Variants in SOX6 observed in about 807,000 individuals in gnomAD.
SOX6 encodes the protein transcription factor SOX-6.
A neutral mutation model predicts 97.8 loss-of-function variants in SOX6; 11 were observed. That is an observed-to-expected ratio of 0.11 (90% CI 0.07 to 0.19). SOX6 has a LOEUF of 0.19. Ranked by LOEUF, SOX6 falls within the 10% of genes least tolerant of loss-of-function variation. The probability of loss-of-function intolerance (pLI) is 1.00; values close to 1 mark genes in which losing one functional copy is unlikely to be tolerated. For missense variants in SOX6, 810 were observed against 1,039.5 expected, an observed-to-expected ratio of 0.78 and a Z score of 3.04; for synonymous variants, 360 against 371.4, an observed-to-expected ratio of 0.97 and a Z score of 0.35.
chr11:16,713,454 T>C (rs913479633), intron 3 of SOX6, among the ~76,000 whole-genome samples: 8 of 152,274 alleles, frequency 5.3e-5, no homozygotes, highest in African/African-American at 1.9e-4. Context: ...TATGCCTGCT[T>C]AGAGAAATCA....
At chr11:16,715,963 G>C (rs1848216970) in intron 2 of SOX6, among the ~76,000 whole-genome samples, 1 of 152,172 alleles carries the variant, frequency 6.6e-6, no homozygotes, top group Admixed American at 6.5e-5. Context: ...GCCAGACACG[G>C]TGATTCATGC....
upstream of SOX6, among the ~76,000 whole-genome samples, chr11:16,357,536 T>C (rs1216314163): frequency 6.6e-6 from 1 of 152,140 alleles, no homozygotes; most frequent in Non-Finnish European, 1.5e-5. Flanking sequence ...ACAGTCATTG[T>C]TAATGCTTTA....
At position 16,439,846 on chromosome 11, in the gene SOX6, C is replaced by A. The variant is rs529212736; in HGVS notation, c.-5+36469G>T. Among the ~76,000 whole-genome samples the A allele has an allele frequency of 1.2e-4, 19 of 152,296 alleles. No homozygotes were observed. In the South Asian group the frequency reaches 3.5e-3, roughly 28 times the overall value. On this transcript the variant is annotated intron_variant, in intron 1 of 15. Coordinates refer to the SOX6 transcript ENST00000396356. Reference sequence around the variant, plus strand: ...TTCAGTTAAAGCTGCCAACCATAGACTATAATTAAGTTTAACATTCAAGAC... The same window carrying A: ...TTCAGTTAAAGCTGCCAACCATAGAATATAATTAAGTTTAACATTCAAGAC...
intron 6 of SOX6, among the ~76,000 whole-genome samples, chr11:16,133,712 G>A (rs759443309): frequency 8.6e-5 from 13 of 151,940 alleles, no homozygotes; most frequent in Admixed American, 2.6e-4. Context: ...GTTTTGAGAC[G>A]GAGTCTCGCT....
intron 3 of SOX6, among the ~76,000 whole-genome samples, chr11:16,690,524 A>G (rs1848005608): frequency 1.3e-5 from 2 of 152,268 alleles, no homozygotes; most frequent in African/African-American, 4.8e-5. Flanking sequence ...AAGGGATACA[A>G]GCAAGGTAAA....
Position 16,523,316 on chromosome 11 carries a change from G to C in SOX6, n.610-46928C>G, listed in dbSNP as rs968019241. Among the ~76,000 whole-genome samples the C allele has an allele frequency of 3.5e-3, 539 of 152,186 alleles. 2 individuals carry two copies. Among genetic ancestry groups the C allele is most frequent in the Non-Finnish European group, 5.7e-3 (388 of 68,006 alleles). ...CACAGTGCAATCAAACTAGAACTCA[G>C]GATTAAGAAACTCACTCAAAACCGC... is the stretch of plus-strand genomic sequence containing the variant. On this transcript the variant is annotated intron_variant and non_coding_transcript_variant, in intron 4 of 5. Coordinates refer to the SOX6 transcript ENST00000524520.
At chr11:16,420,067 A>G (rs1858995960) in intron 1 of SOX6, among the ~76,000 whole-genome samples, 1 of 152,188 alleles carries the variant, frequency 6.6e-6, no homozygotes, top group African/African-American at 2.4e-5. Context: ...ATGTTCAAGT[A>G]ATTGATAATT....
chr11:16,163,990 T>A (rs1324844821), intron 6 of SOX6, among the ~76,000 whole-genome samples: 1 of 152,112 alleles, frequency 6.6e-6, no homozygotes, highest in Non-Finnish European at 1.5e-5. Flanking sequence ...AGGTGTTTTG[T>A]TTTGTTTTGT....
chr11:16,339,807 G>A (rs1048010123), intron 2 of SOX6, among the ~76,000 whole-genome samples: 2 of 152,044 alleles, frequency 1.3e-5, no homozygotes, highest in Non-Finnish European at 2.9e-5. Context: ...CAATACGCAA[G>A]TGGCAGTGAC....
chr11:16,474,232 G>C (rs181013944), intron 1 of SOX6, among the ~76,000 whole-genome samples: 2 of 152,102 alleles, frequency 1.3e-5, no homozygotes, highest in Admixed American at 6.5e-5. Context: ...TCATCCATGA[G>C]GGTTGAAATA....
rs1005409782 is a variant in SOX6 at position 16,161,972 on chromosome 11, T to C, written c.777+21914A>G. On this transcript the variant is annotated intron_variant, in intron 6 of 15. Coordinates refer to ENST00000683767, the MANE Select transcript of SOX6 (RefSeq NM_001367873.1). ...ATTAATAGACTATTCTGTTTCTTCC[T>C]TGTCCTAAATTTAATGCAAGGATTC... 3.3e-5 allele frequency among the ~76,000 whole-genome samples: 5 copies of C among 152,208 alleles called. No homozygotes were observed. In the East Asian group the frequency reaches 9.6e-4, roughly 29 times the overall value.
In SOX6 at chr11:16,096,051, T is replaced by A. The variant is rs1472702328; in HGVS notation, c.1046A>T (p.Asn349Ile). ...ACCACCATGTTCAAAGGTGTCCAAA[T>A]TCCTGCCAAAACGGTCACTTAGGCC... is the stretch of plus-strand genomic sequence containing the variant. Reference protein sequence around the residue: ...LKGLSDRFGRNLDTFEHGGGH... With the variant: ...LKGLSDRFGRILDTFEHGGGH... Residue 349 changes from asparagine (N) to isoleucine (I), a missense_variant, in exon 9 of 16, where the codon AAT (asparagine) becomes ATT (isoleucine). Transcript: ENST00000683767. The A allele has an allele frequency of 1.2e-6, 2 of 1,611,764 alleles. No homozygotes were observed. The highest frequency in any genetic ancestry group is 1.7e-6 in the Non-Finnish European group (2 of 1,178,610).
chr11:16,580,470 CT>C (rs1156820868), intron 4 of SOX6, among the ~76,000 whole-genome samples: 1 of 152,012 alleles, frequency 6.6e-6, no homozygotes, highest in Non-Finnish European at 1.5e-5. Flanking sequence ...GTATTAACCC[CT>C]TTTGCCTCTT....
upstream of SOX6, among the ~76,000 whole-genome samples, chr11:16,360,999 T>C (rs948735949): frequency 8.3e-6 from 1 of 120,686 alleles, no homozygotes; most frequent in Admixed American, 7.8e-5. Flanking sequence ...CAAGACTCCA[T>C]CTCAAAAAAA....
At chr11:16,146,355 A>G (rs1026297111) in intron 6 of SOX6, among the ~76,000 whole-genome samples, 6 of 152,194 alleles carry the variant, frequency 3.9e-5, no homozygotes, top group Admixed American at 1.3e-4. Context: ...ATTAATTCAA[A>G]ATGGATCAAA....
intron 6 of SOX6, among the ~76,000 whole-genome samples, chr11:16,141,585 C>T (rs182039079): frequency 1.5e-4 from 23 of 152,238 alleles, no homozygotes; most frequent in African/African-American, 2.2e-4. Flanking sequence ...ACCCGAAAAG[C>T]GCAAGGGGTC....
rs1859716972 is a variant in SOX6 at position 16,451,670 on chromosome 11, C to T, written c.-5+24645G>A. Reference sequence around the variant, plus strand: ...GCTGGGGATGGAAGGCCTATTCATTCAGCTGCACCTGCTGAAGCAGTCCAT... The same window carrying T: ...GCTGGGGATGGAAGGCCTATTCATTTAGCTGCACCTGCTGAAGCAGTCCAT... On this transcript the variant is annotated intron_variant, in intron 1 of 15. Coordinates refer to the SOX6 transcript ENST00000396356. Among the ~76,000 whole-genome samples the T allele has an allele frequency of 3.9e-5, 6 of 152,138 alleles. 1 individual carries two copies. The South Asian group carries it at 1.2e-3, about 31-fold the overall frequency.
intron 1 of SOX6, among the ~76,000 whole-genome samples, chr11:16,390,068 T>C (rs1173168504): frequency 6.6e-6 from 1 of 151,488 alleles, no homozygotes; most frequent in Non-Finnish European, 1.5e-5. Flanking sequence ...AAACATCTAT[T>C]TAGCTCTTTT....
chr11:16,018,630 T>C (rs937308556), intron 12 of SOX6, among the ~76,000 whole-genome samples: 1 of 152,148 alleles, frequency 6.6e-6, no homozygotes, highest in Non-Finnish European at 1.5e-5. Flanking sequence ...TATACACTTA[T>C]TGGCTATTCC....
Sources: allele counts gnomAD v4.1 joint callset (sites outside exome capture counted in the v4.1 genomes callset), GRCh38; gene constraint gnomAD v4.1.1; transcripts MANE v1.5; gene names NCBI Gene and HGNC (gene_info 2026-07-23, HGNC 2026-07-21).